Variants in PKNOX2 observed in about 807,000 individuals in gnomAD.
PKNOX2 encodes homeobox protein PKNOX2.
In PKNOX2, 14 loss-of-function variants were observed where a neutral mutation model predicts 53.1. That is an observed-to-expected ratio of 0.26 (90% CI 0.17 to 0.41). The LOEUF (loss-of-function observed/expected upper bound fraction) is 0.41. PKNOX2 is among the 10% of genes least tolerant of loss of function. PKNOX2 has a pLI of 1.00. For missense variants in PKNOX2, 496 were observed against 602.8 expected (o/e 0.82, Z 1.85); for synonymous variants, 257 against 242.8 (o/e 1.06, Z -0.54).
chr11:125,411,598 G>A (rs1231944568), intron 9 of PKNOX2, 148 bp from the exon 10 acceptor site: 3 of 1,209,604 alleles, frequency 2.5e-6, no homozygotes, highest in Non-Finnish European at 3.5e-6. Flanking sequence ...GCTGGCATGG[G>A]CTGAGAGGGA....
chr11:125,386,457 A>G (rs1953637866), intron 6 of PKNOX2, among the ~76,000 whole-genome samples: 2 of 152,254 alleles, frequency 1.3e-5, no homozygotes, highest in South Asian at 4.2e-4. Context: ...AATTCTGTGG[A>G]GAGAGCAGTA....
intron 2 of PKNOX2, among the ~76,000 whole-genome samples, chr11:125,274,146 C>T (rs1489927554): frequency 1.3e-5 from 2 of 152,164 alleles, no homozygotes; most frequent in African/African-American, 4.8e-5. Context: ...TACTTTTATA[C>T]CAATGCTTTG....
intron 2 of PKNOX2, among the ~76,000 whole-genome samples, chr11:125,284,629 G>A (rs569886141): frequency 7.2e-5 from 11 of 152,280 alleles, no homozygotes; most frequent in Admixed American, 7.2e-4. Context: ...TCTAATCACC[G>A]TCCACACAGA....
chr11:125,393,158 C>CAA (rs571335360), intron 6 of PKNOX2, among the ~76,000 whole-genome samples: 37 of 70,206 alleles, frequency 5.3e-4, no homozygotes, highest in African/African-American at 1.5e-3. Context: ...AGACTCGTCT[C>CAA]AAAAAAAAAA....
At chr11:125,243,639 T>TC (rs1943332845) in intron 2 of PKNOX2, among the ~76,000 whole-genome samples, 1 of 151,364 alleles carries the variant, frequency 6.6e-6, no homozygotes. Context: ...TTTTTTTTTT[T>TC]TGAGATAGGG....
At chr11:125,426,201 G>A (rs1009186193) in intron 10 of PKNOX2, among the ~76,000 whole-genome samples, 2 of 152,166 alleles carry the variant, frequency 1.3e-5, no homozygotes, top group African/African-American at 4.8e-5. Context: ...CATCCTACTG[G>A]CTTAAATATA....
At chr11:125,227,425 C>A (rs1307654610) in intron 1 of PKNOX2, among the ~76,000 whole-genome samples, 1 of 152,226 alleles carries the variant, frequency 6.6e-6, no homozygotes, top group Non-Finnish European at 1.5e-5. Flanking sequence ...TACTTTCTAT[C>A]TCTGTGAGTT....
intron 6 of PKNOX2, among the ~76,000 whole-genome samples, chr11:125,394,959 CGTGTGTGTGTGT>C (rs112812944): frequency 6.7e-6 from 1 of 149,502 alleles, no homozygotes; most frequent in East Asian, 2.0e-4. Flanking sequence ...TACGTGCCCT[CGTGTGTGTGTGT>C]GTGTGTGTGT....
At chr11:125,270,949 A>T (rs1267094375) in intron 2 of PKNOX2, among the ~76,000 whole-genome samples, 2 of 152,172 alleles carry the variant, frequency 1.3e-5, no homozygotes, top group African/African-American at 4.8e-5. Context: ...GTTTCCAGGC[A>T]TCTCAGAGGC....
intron 2 of PKNOX2, among the ~76,000 whole-genome samples, chr11:125,239,200 T>C (rs1463548568): frequency 6.6e-6 from 1 of 152,240 alleles, no homozygotes; most frequent in African/African-American, 2.4e-5. Flanking sequence ...TCATAAACTA[T>C]TGATATTTTA....
At chr11:125,196,293 C>T (rs999144646) in intron 1 of PKNOX2, among the ~76,000 whole-genome samples, 1 of 152,096 alleles carries the variant, frequency 6.6e-6, no homozygotes, top group African/African-American at 2.4e-5. Context: ...GACTCTTGTG[C>T]GTGCTGACTG....
chr11:125,377,869 C>T (rs1430560607), intron 5 of PKNOX2, among the ~76,000 whole-genome samples: 2 of 152,248 alleles, frequency 1.3e-5, no homozygotes, highest in Non-Finnish European at 2.9e-5. Context: ...AGGCTCCATG[C>T]CACCCATGGG....
At chr11:125,312,298 G>T (rs894804211) in intron 2 of PKNOX2, among the ~76,000 whole-genome samples, 1 of 152,166 alleles carries the variant, frequency 6.6e-6, no homozygotes, top group Non-Finnish European at 1.5e-5. Context: ...GTTTCCTGAA[G>T]CTCACTATCA....
chr11:125,296,209 C>A (rs1947646114), intron 2 of PKNOX2, among the ~76,000 whole-genome samples: 1 of 152,190 alleles, frequency 6.6e-6, no homozygotes, highest in Non-Finnish European at 1.5e-5. Flanking sequence ...AACCCAGCAG[C>A]CAGTTTCCAT....
In PKNOX2 at chr11:125,179,045, C is replaced by T. The variant is rs550763391; in HGVS notation, c.-201+14269C>T. Among the ~76,000 whole-genome samples the T allele has an allele frequency of 1.9e-3, 284 of 152,296 alleles. 13 individuals carry two copies. In the South Asian group the frequency reaches 0.057, roughly 30 times the overall value. On this transcript the variant is annotated intron_variant, in intron 1 of 12. Coordinates refer to ENST00000298282, the MANE Select transcript of PKNOX2 (RefSeq NM_001382323.2). ...TCTCCCGTGTGTTTCATGGCTCTGG[C>T]CACACCCGTAGAACCAACCAGTGAA... is the stretch of plus-strand genomic sequence containing the variant.
intron 10 of PKNOX2, among the ~76,000 whole-genome samples, chr11:125,423,539 G>C (rs531108647): frequency 6.6e-6 from 1 of 152,194 alleles, no homozygotes; most frequent in Non-Finnish European, 1.5e-5. Context: ...CGAAGGCCCC[G>C]TGTTCGTTCA....
At position 125,364,661 on chromosome 11, in the gene PKNOX2, T is replaced by C. The variant is rs144800982; in HGVS notation, c.88-3185T>C. Among the ~76,000 whole-genome samples, 21 of 152,358 alleles carry C rather than the reference T, an allele frequency of 1.4e-4. No homozygotes were observed. The East Asian group carries it at 4.0e-3, about 29-fold the overall frequency. On this transcript the variant is annotated intron_variant, in intron 4 of 12. Transcript: ENST00000298282. Reference sequence around the variant, plus strand: ...GTGCAGATGTAGCTATGCCTTGCTTTATGGCAGAAGTACATTCCGGAAATC... The same window carrying C: ...GTGCAGATGTAGCTATGCCTTGCTTCATGGCAGAAGTACATTCCGGAAATC...
chr11:125,403,128 G>A (rs1693753196), intron 7 of PKNOX2, among the ~76,000 whole-genome samples: 1 of 152,136 alleles, frequency 6.6e-6, no homozygotes, highest in Non-Finnish European at 1.5e-5. Context: ...TGGGGTGAAG[G>A]GGGCTCATTC....
intron 2 of PKNOX2, among the ~76,000 whole-genome samples, chr11:125,241,735 A>G (rs149953593): frequency 1.7e-3 from 261 of 152,314 alleles, no homozygotes; most frequent in African/African-American, 5.9e-3. Context: ...CATGCCTGTA[A>G]TCCTAGTTAC....
Sources: gnomAD v4.1 joint callset for allele counts (sites outside exome capture counted in the v4.1 genomes callset) on GRCh38, gnomAD v4.1.1 for gene constraint, MANE v1.5 for transcripts, NCBI Gene and HGNC (gene_info 2026-07-23, HGNC 2026-07-21) for gene names.